The following RAP1A variants were observed in gnomAD, a reference collection of about 807,000 sequenced individuals.
RAP1A encodes ras-related protein Rap-1A.
In RAP1A, 6 loss-of-function variants were observed where a neutral mutation model predicts 26.4. The ratio of observed to expected loss-of-function variants is 0.23; its 90% CI spans 0.12 to 0.45. The LOEUF (loss-of-function observed/expected upper bound fraction) is 0.45. RAP1A is among the 20% of genes least tolerant of loss of function. The probability of loss-of-function intolerance (pLI) is 0.99; values close to 1 mark genes in which losing one functional copy is unlikely to be tolerated. For missense variants in RAP1A, 121 were observed against 217.2 expected, an observed-to-expected ratio of 0.56 and a Z score of 2.78; for synonymous variants, 73 against 79.4, an observed-to-expected ratio of 0.92 and a Z score of 0.43.
intron 1 of RAP1A, among the ~76,000 whole-genome samples, chr1:111,681,328 A>G (rs1233498001): frequency 6.6e-6 from 1 of 152,212 alleles, no homozygotes; most frequent in African/African-American, 2.4e-5. Flanking sequence ...CAACAAGGGA[A>G]CAAAATTGGA....
At chr1:111,699,553 C>T (rs1476609178) in intron 4 of RAP1A, among the ~76,000 whole-genome samples, 1 of 149,822 alleles carries the variant, frequency 6.7e-6, no homozygotes, top group Non-Finnish European at 1.5e-5. Context: ...CTTCAACCTC[C>T]CAGGGTCAAG....
At chr1:111,708,198 C>G (rs961144526) in intron 6 of RAP1A, among the ~76,000 whole-genome samples, 1 of 152,084 alleles carries the variant, frequency 6.6e-6, no homozygotes, top group East Asian at 1.9e-4. Flanking sequence ...AAACTAAAAA[C>G]CACAAATATT....
chr1:111,688,608 C>G (rs1403583219), intron 1 of RAP1A, among the ~76,000 whole-genome samples: 1 of 152,006 alleles, frequency 6.6e-6, no homozygotes, highest in Admixed American at 6.6e-5. Flanking sequence ...ACGTGAGCCA[C>G]CGTGCCTGGC....
At chr1:111,660,930 T>C (rs987774810) in intron 1 of RAP1A, among the ~76,000 whole-genome samples, 1 of 152,248 alleles carries the variant, frequency 6.6e-6, no homozygotes, top group South Asian at 2.1e-4. Flanking sequence ...CCATCATCTT[T>C]AGTTGTTTAC....
chr1:111,627,041 A>G (rs1212588136), intron 1 of RAP1A, among the ~76,000 whole-genome samples: 1 of 152,174 alleles, frequency 6.6e-6, no homozygotes, highest in East Asian at 1.9e-4. Flanking sequence ...TATTCCAAGT[A>G]ATATGCCCTT....
At chr1:111,644,728 C>G (rs758839035) in intron 1 of RAP1A, among the ~76,000 whole-genome samples, 5 of 152,142 alleles carry the variant, frequency 3.3e-5, no homozygotes, top group African/African-American at 4.8e-5. Flanking sequence ...TAGAATGTTA[C>G]AAGGCCTGAT....
intron 1 of RAP1A, among the ~76,000 whole-genome samples, chr1:111,667,567 A>G (rs557979894): frequency 1.3e-5 from 2 of 152,046 alleles, no homozygotes; most frequent in South Asian, 4.2e-4. Flanking sequence ...CTGTAATCAC[A>G]GCTACTCGGG....
chr1:111,593,652 CTTTTTTTTTTT>C (rs994763442), intron 1 of RAP1A, among the ~76,000 whole-genome samples: 1,283 of 65,436 alleles, frequency 0.02, 28 homozygotes, highest in African/African-American at 0.065. Flanking sequence ...ATGACTCCTA[CTTTTTTTTTTT>C]TTTTTTTTTT....
At chr1:111,701,910 T>C (rs1210163523) in intron 4 of RAP1A, among the ~76,000 whole-genome samples, 1 of 152,224 alleles carries the variant, frequency 6.6e-6, no homozygotes, top group Admixed American at 6.5e-5. Flanking sequence ...ACTTTATCAA[T>C]GAAAAATCCA....
intron 1 of RAP1A, among the ~76,000 whole-genome samples, chr1:111,602,716 T>C (rs1658696083): frequency 6.6e-6 from 1 of 152,232 alleles, no homozygotes; most frequent in Non-Finnish European, 1.5e-5. Context: ...GTTATTTAGC[T>C]ACTCTGGCCA....
intron 1 of RAP1A, among the ~76,000 whole-genome samples, chr1:111,688,954 C>G (rs1467102070): frequency 6.6e-6 from 1 of 151,830 alleles, no homozygotes; most frequent in Non-Finnish European, 1.5e-5. Flanking sequence ...CCTACCTCAG[C>G]CTCCCAAGTA....
At chr1:111,650,153 A>G (rs1280228233) in intron 1 of RAP1A, among the ~76,000 whole-genome samples, 2 of 126,670 alleles carry the variant, frequency 1.6e-5, no homozygotes, top group African/African-American at 6.0e-5. Flanking sequence ...GATCTTCACA[A>G]TTCTGTGAAA....
At chr1:111,671,187 C>G (rs368517915) in intron 1 of RAP1A, among the ~76,000 whole-genome samples, 3 of 152,172 alleles carry the variant, frequency 2.0e-5, no homozygotes, top group African/African-American at 7.2e-5. Flanking sequence ...GGTACAGTCA[C>G]AGCTCCCTGT....
intron 1 of RAP1A, among the ~76,000 whole-genome samples, chr1:111,642,177 G>A (rs1273554211): frequency 4.6e-5 from 7 of 152,028 alleles, no homozygotes; most frequent in African/African-American, 1.4e-4. Flanking sequence ...CCCGGGAGGC[G>A]GAGGTTGCAG....
At chr1:111,670,567 G>A (rs1452523955) in intron 1 of RAP1A, among the ~76,000 whole-genome samples, 2 of 151,966 alleles carry the variant, frequency 1.3e-5, no homozygotes, top group African/African-American at 4.8e-5. Context: ...CTAAAGAAAG[G>A]AAATAATAAA....
At chr1:111,687,968 T>G (rs906296316) in intron 1 of RAP1A, among the ~76,000 whole-genome samples, 6 of 138,462 alleles carry the variant, frequency 4.3e-5, no homozygotes, top group Non-Finnish European at 9.0e-5. Flanking sequence ...GGGTGAGCTA[T>G]GATCACACCG....
intron 4 of RAP1A, among the ~76,000 whole-genome samples, chr1:111,699,689 T>G (rs1661959077): frequency 6.6e-6 from 1 of 151,798 alleles, no homozygotes. Context: ...AAGCTGGTCT[T>G]GAACTGGACT....
intron 1 of RAP1A, among the ~76,000 whole-genome samples, chr1:111,570,037 G>A (rs1050045287): frequency 5.9e-5 from 9 of 152,054 alleles, no homozygotes; most frequent in Admixed American, 1.3e-4. Flanking sequence ...TGTGTAGAGA[G>A]GGGAACCTTC....
At chr1:111,633,871 G>C (rs968179502) in intron 1 of RAP1A, among the ~76,000 whole-genome samples, 3 of 152,214 alleles carry the variant, frequency 2.0e-5, no homozygotes, top group African/African-American at 7.2e-5. Flanking sequence ...GACGTGGACT[G>C]CTGTCACAAC....
Sources: allele counts gnomAD v4.1 joint callset (sites outside exome capture counted in the v4.1 genomes callset), GRCh38; gene constraint gnomAD v4.1.1; transcripts MANE v1.5; gene names NCBI Gene and HGNC (gene_info 2026-07-23, HGNC 2026-07-21).